SV2B: variants seen among roughly 807,000 people sequenced by gnomAD.
SV2B encodes synaptic vesicle glycoprotein 2B, also known as solute carrier family 22 member B2.
Under a neutral mutation model 73.9 loss-of-function variants are expected in SV2B, and 41 were observed. That is an observed-to-expected ratio of 0.56 (90% CI 0.43 to 0.72). SV2B has a LOEUF of 0.72. SV2B is among the 30% of genes least tolerant of loss of function. The pLI is 0.00. For missense variants in SV2B, 764 were observed against 857.8 expected, an observed-to-expected ratio of 0.89 and a Z score of 1.37; for synonymous variants, 314 against 314.2, an observed-to-expected ratio of 1.00 and a Z score of 0.01.
At chr15:91,209,954 T>C (rs956165569) in intron 1 of SV2B, among the ~76,000 whole-genome samples, 7 of 152,162 alleles carry the variant, frequency 4.6e-5, no homozygotes, top group African/African-American at 1.7e-4. Flanking sequence ...CTTTTCTAAT[T>C]ACAAAGTTTA....
chr15:91,239,949 T>G lies in SV2B; in HGVS notation c.452-11870T>G, dbSNP rs2046940151. 1.3e-5 allele frequency among the ~76,000 whole-genome samples: 2 copies of G among 152,194 alleles called. No individual in the cohort carries two copies. Among genetic ancestry groups the G allele is most frequent in the Admixed American group, 1.3e-4 (2 of 15,286 alleles). On this transcript the variant is annotated intron_variant, in intron 2 of 12. Coordinates refer to ENST00000394232, the MANE Select transcript of SV2B (RefSeq NM_001323032.3). This position sits in a 1 kb window ranked among gnomAD's most constrained non-coding sequence, Gnocchi z 5.1. ...CCTGGCAGGTGTCCACCAAGTCTTA[T>G]GGCTTGCCTGGATTAATCACTGGCA...
chr15:91,170,722 G>A (rs2141278870), intron 1 of SV2B, among the ~76,000 whole-genome samples: 1 of 152,328 alleles, frequency 6.6e-6, no homozygotes, highest in East Asian at 1.9e-4. Flanking sequence ...TCAGAAACTA[G>A]AATAGTGCTT....
intron 1 of SV2B, among the ~76,000 whole-genome samples, chr15:91,217,102 C>T (rs2046058791): frequency 6.6e-6 from 1 of 151,068 alleles, no homozygotes. Flanking sequence ...GCCTTGAACT[C>T]CTGACCTCAG....
intron 1 of SV2B, among the ~76,000 whole-genome samples, chr15:91,170,633 G>A (rs140531278): frequency 2.6e-5 from 4 of 152,282 alleles, no homozygotes; most frequent in African/African-American, 9.6e-5. Flanking sequence ...TACAAACTTG[G>A]TTTAAAAATA....
At position 91,284,000 on chromosome 15, in the gene SV2B, A is replaced by T; in HGVS notation, c.1508-21A>T. The T allele has an allele frequency of 1.2e-6, 2 of 1,613,642 alleles. No individual in the cohort carries two copies. Among genetic ancestry groups the T allele is most frequent in the Non-Finnish European group, 1.7e-6 (2 of 1,179,732 alleles). ...AGCTCCCTTCCACTTACATGAACCG[A>T]AGGTTTCCTTCTCTCCCCAGACCTC... is the stretch of plus-strand genomic sequence containing the variant. On this transcript the variant is annotated intron_variant, in intron 10 of 12. Transcript: ENST00000394232. This position sits in a 1 kb window ranked among gnomAD's most constrained non-coding sequence, Gnocchi z 4.3.
At position 91,261,055 on chromosome 15, in the gene SV2B, G is replaced by A. The variant is rs1292252725; in HGVS notation, c.1008+646G>A. ...GCTGGCAGATCACTTGAAGTCAGGG[G>A]TTCAAGACCAGCCTGGCCAACATGG... On this transcript the variant is annotated intron_variant, in intron 6 of 12. Coordinates refer to ENST00000394232, the MANE Select transcript of SV2B (RefSeq NM_001323032.3). The surrounding 1 kb of genome is among the most constrained non-coding windows in gnomAD (Gnocchi z 4.7). Among the ~76,000 whole-genome samples, 1 of 152,180 alleles carries A rather than the reference G, an allele frequency of 6.6e-6. No individual in the cohort carries two copies. The highest frequency in any genetic ancestry group is 2.4e-5 in the African/African-American group (1 of 41,442).
chr15:91,107,607 G>A (rs762148306), intron 1 of SV2B, among the ~76,000 whole-genome samples: 8 of 150,994 alleles, frequency 5.3e-5, no homozygotes, highest in South Asian at 2.1e-4. Flanking sequence ...CACCGTGCCC[G>A]CTAACTTTCT....
At chr15:91,148,207 C>T (rs1432868400) in intron 1 of SV2B, among the ~76,000 whole-genome samples, 1 of 152,102 alleles carries the variant, frequency 6.6e-6, no homozygotes, top group East Asian at 1.9e-4. Flanking sequence ...TCTCAAACTC[C>T]TGACCTCATG....
At chr15:91,158,703 C>CTCTTCTCTT (rs1567300692) in intron 1 of SV2B, among the ~76,000 whole-genome samples, 11 of 40,326 alleles carry the variant, frequency 2.7e-4, no homozygotes, top group South Asian at 1.1e-3. Flanking sequence ...TCTCTTCTCT[C>CTCTTCTCTT]CTCTCCTCTC....
intron 9 of SV2B, among the ~76,000 whole-genome samples, chr15:91,272,795 CT>C (rs2048357347): frequency 6.7e-6 from 1 of 149,354 alleles, no homozygotes; most frequent in African/African-American, 2.5e-5. Flanking sequence ...GCCAAGGCTC[CT>C]TTGGGGAGGG....
chr15:91,235,277 T>C (rs1245906213), intron 2 of SV2B, among the ~76,000 whole-genome samples: 1 of 152,252 alleles, frequency 6.6e-6, no homozygotes, highest in Non-Finnish European at 1.5e-5. Context: ...TATTTTCTTG[T>C]ACAGTTTATG....
At chr15:91,147,809 A>C (rs1469785930) in intron 1 of SV2B, among the ~76,000 whole-genome samples, 2 of 152,038 alleles carry the variant, frequency 1.3e-5, no homozygotes, top group African/African-American at 4.8e-5. Flanking sequence ...GGCTGGTCTT[A>C]TCAGGGATGG....
intron 1 of SV2B, among the ~76,000 whole-genome samples, chr15:91,102,938 G>A (rs1204319595): frequency 6.6e-6 from 1 of 152,194 alleles, no homozygotes; most frequent in East Asian, 1.9e-4. Flanking sequence ...TAGGAGAGAG[G>A]TGTGTTCCCA....
At chr15:91,100,171 G>A (rs998254336), upstream of SV2B, 1 of 152,020 alleles carries the variant, frequency 6.6e-6, no homozygotes, top group African/African-American at 2.4e-5. The surrounding 1 kb of genome is among the most constrained non-coding windows in gnomAD (Gnocchi z 6.4). Context: ...GTAGCGCGGG[G>A]GCGCGCTGCG....
Position 91,281,605 on chromosome 15 carries a change from A to G in SV2B, c.1374-123A>G. ...GAAGTGGGGAAGTGGTCTGGGTTGA[A>G]AATAATGCTCTGGCACCTTTTGCTT... On this transcript the variant is annotated intron_variant, in intron 9 of 12. Transcript: ENST00000394232. This position sits in a 1 kb window ranked among gnomAD's most constrained non-coding sequence, Gnocchi z 4.7. The G allele has an allele frequency of 8.4e-7, 1 of 1,195,202 alleles. No homozygotes were observed. The highest frequency in any genetic ancestry group is 1.2e-6 in the Non-Finnish European group (1 of 865,048). 74.0% of individuals were successfully genotyped at this position (1,195,202 alleles called of 1,614,324 possible). A position where few individuals can be genotyped will look rare whatever the true frequency, so the allele number is the denominator to read the frequency against.
At chr15:91,155,986 A>G (rs2043477371) in intron 1 of SV2B, among the ~76,000 whole-genome samples, 1 of 152,024 alleles carries the variant, frequency 6.6e-6, no homozygotes, top group East Asian at 1.9e-4. Context: ...CCAGACATTG[A>G]TATTCTGATG....
chr15:91,205,660 C>T (rs2045610247), intron 1 of SV2B, among the ~76,000 whole-genome samples: 1 of 152,134 alleles, frequency 6.6e-6, no homozygotes, highest in African/African-American at 2.4e-5. Context: ...GCCACCACGC[C>T]CTGCCCAGGA....
In SV2B at chr15:91,229,317, C is replaced by T. The variant is rs906829936; in HGVS notation, c.451+2603C>T. Among the ~76,000 whole-genome samples, 2 of 152,054 alleles carry T rather than the reference C, an allele frequency of 1.3e-5. No homozygotes were observed. The highest frequency in any genetic ancestry group is 4.8e-5 in the African/African-American group (2 of 41,386). On this transcript the variant is annotated intron_variant, in intron 2 of 12. Transcript: ENST00000394232. This position sits in a 1 kb window ranked among gnomAD's most constrained non-coding sequence, Gnocchi z 4.3. ...ATGACTCCTCTAATTCTCGGTGTTTCCATCTGTAGAATAAGAGCAGTAATG... is the reference window on the plus strand; with the variant it reads ...ATGACTCCTCTAATTCTCGGTGTTTTCATCTGTAGAATAAGAGCAGTAATG...
chr15:91,202,415 C>T (rs1444523313), intron 1 of SV2B, among the ~76,000 whole-genome samples: 2 of 152,182 alleles, frequency 1.3e-5, no homozygotes, highest in Non-Finnish European at 2.9e-5. Flanking sequence ...GTATTAGTCA[C>T]TATTATGTTT....
Sources: gnomAD v4.1 joint callset for allele counts (sites outside exome capture counted in the v4.1 genomes callset) on GRCh38, gnomAD v4.1.1 for gene constraint, Gnocchi (gnomAD v3.1) non-coding constraint, MANE v1.5 for transcripts, NCBI Gene and HGNC (gene_info 2026-07-23, HGNC 2026-07-21) for gene names.